Variants in PFKFB3 observed in about 807,000 individuals in gnomAD.
PFKFB3 encodes the protein 6-phosphofructo-2-kinase/fructose-2,6-bisphosphatase 3.
Under a neutral mutation model 68.0 loss-of-function variants are expected in PFKFB3, and 33 were observed. That is an observed-to-expected ratio of 0.49 (90% CI 0.37 to 0.65). PFKFB3 has a LOEUF of 0.65. Among genes scored for constraint, PFKFB3 ranks in the 30% least tolerant of loss-of-function variants. PFKFB3 has a pLI of 0.00. For missense variants in PFKFB3, 586 were observed against 712.2 expected (o/e 0.82, Z 2.02); for synonymous variants, 315 against 288.2 (o/e 1.09, Z -0.94).
intron 1 of PFKFB3, among the ~76,000 whole-genome samples, chr10:6,172,017 G>A (rs3814194): frequency 0.011 from 1,653 of 152,262 alleles, 70 homozygotes; most frequent in East Asian, 0.1. Flanking sequence ...TTTTGCCGCC[G>A]TACTCCATTG....
chr10:6,203,054 C>T lies in PFKFB3; in HGVS notation c.-207C>T. ...GCCGTGCCGGGCATCCCCAGCCTCGCTACCCTCGCAGCACACGTCGAGCCC... is the reference window on the plus strand; with the variant it reads ...GCCGTGCCGGGCATCCCCAGCCTCGTTACCCTCGCAGCACACGTCGAGCCC... On this transcript the variant is annotated 5_prime_UTR_variant, in exon 1 of 15. Coordinates refer to ENST00000379775, the MANE Select transcript of PFKFB3 (RefSeq NM_004566.4). 7.2e-7 allele frequency: 1 copy of T among 1,386,018 alleles called. No individual in the cohort carries two copies. Among genetic ancestry groups the T allele is most frequent in the Non-Finnish European group, 9.3e-7 (1 of 1,075,102 alleles). 85.9% of individuals were successfully genotyped at this position (1,386,018 alleles called of 1,614,324 possible). A position where few individuals can be genotyped will look rare whatever the true frequency, so the allele number is the denominator to read the frequency against.
At chr10:6,291,541 G>A in the PFKFB3 span, among the ~76,000 whole-genome samples, 6 of 146,262 alleles carry the variant, frequency 4.1e-5, no homozygotes, top group Non-Finnish European at 8.9e-5. Context: ...AGTGGAATAA[G>A]TGAGACTCTG....
chr10:6,237,403 G>A (rs1037708697), downstream of PFKFB3, among the ~76,000 whole-genome samples: 13 of 151,924 alleles, frequency 8.6e-5, no homozygotes, highest in African/African-American at 2.9e-4. Flanking sequence ...AGAGTGAGGC[G>A]TTCATTCAGC....
intron 1 of PFKFB3, among the ~76,000 whole-genome samples, chr10:6,190,191 G>A (rs1195150682): frequency 1.3e-5 from 2 of 152,076 alleles, no homozygotes; most frequent in Non-Finnish European, 1.5e-5. Context: ...TGATCCACCC[G>A]CCTTGGCCTC....
At chr10:6,216,538 T>C (rs1348520893) in intron 4 of PFKFB3, among the ~76,000 whole-genome samples, 168 bp from the exon 5 acceptor site, 1 of 152,222 alleles carries the variant, frequency 6.6e-6, no homozygotes, top group Non-Finnish European at 1.5e-5. Context: ...GCGGGAGGCC[T>C]GCCTCCTAAG....
At chr10:6,148,446 G>T (rs1051248116) in intron 1 of PFKFB3, among the ~76,000 whole-genome samples, 1 of 152,218 alleles carries the variant, frequency 6.6e-6, no homozygotes, top group Non-Finnish European at 1.5e-5. Context: ...TATGCTCAGC[G>T]TGAGGCTGGA....
At chr10:6,227,710 G>A (rs373147778) in intron 14 of PFKFB3, among the ~76,000 whole-genome samples, 1 of 152,190 alleles carries the variant, frequency 6.6e-6, no homozygotes, top group East Asian at 1.9e-4. Context: ...CATGAGTGCA[G>A]CAATTTAATT....
chr10:6,144,938 C>A, exon 1 of PFKFB3: 1 of 1,232,264 alleles, frequency 8.1e-7, no homozygotes, highest in Non-Finnish European at 1.0e-6. Context: ...GGGGCTGCCG[C>A]TTGGACGTCG....
chr10:6,198,942 G>T (rs984401630), upstream of PFKFB3, among the ~76,000 whole-genome samples: 73 of 152,316 alleles, frequency 4.8e-4, no homozygotes, highest in African/African-American at 1.6e-3. Context: ...AAACATCTAT[G>T]TGCATGTTAT....
chr10:6,291,945 G>GTTTTTT, the PFKFB3 span, among the ~76,000 whole-genome samples: 2 of 94,348 alleles, frequency 2.1e-5, no homozygotes, highest in Non-Finnish European at 2.1e-5. Flanking sequence ...GAAACCAGTG[G>GTTTTTT]TTTTTTTTTT....
chr10:6,206,776 A>G (rs974596323), intron 1 of PFKFB3, among the ~76,000 whole-genome samples: 2 of 129,768 alleles, frequency 1.5e-5, no homozygotes, highest in African/African-American at 6.2e-5. Flanking sequence ...GCAGCCAGGC[A>G]GAGGGGGTCC....
rs796376670 is a variant in PFKFB3 at position 6,154,877 on chromosome 10, G to A, written c.16+9864G>A. Among the ~76,000 whole-genome samples, 1 of 152,210 alleles carries A rather than the reference G, an allele frequency of 6.6e-6. No individual in the cohort carries two copies. The highest frequency in any genetic ancestry group is 1.5e-5 in the Non-Finnish European group (1 of 68,036). On this transcript the variant is annotated intron_variant, in intron 1 of 14. Coordinates refer to the PFKFB3 transcript ENST00000379789. This position sits in a 1 kb window ranked among gnomAD's most constrained non-coding sequence, Gnocchi z 4.6. ...GGTTGTAGTGAGCTGCGGGGAGCCC[G>A]CACTGCCACAGCAGCTGCACCTCCT...
At chr10:6,226,702 G>A (rs145148732) in intron 14 of PFKFB3, among the ~76,000 whole-genome samples, 8 of 152,274 alleles carry the variant, frequency 5.3e-5, no homozygotes, top group Non-Finnish European at 8.8e-5. Context: ...TCCAAGACCC[G>A]TTCACGTTCG....
At chr10:6,246,166 A>G (rs1846254492) in intron 14 of PFKFB3, among the ~76,000 whole-genome samples, 1 of 152,314 alleles carries the variant, frequency 6.6e-6, no homozygotes, top group Non-Finnish European at 1.5e-5. Context: ...TGAATTTGCC[A>G]TGTGACTTGC....
In PFKFB3 at chr10:6,154,584, A is replaced by C. The variant is rs145358362; in HGVS notation, c.16+9571A>C. ...CGTGACACCATAAAACGTCTCCGCC[A>C]CGGGTGGCTACTATCCTGAGAGCAG... On this transcript the variant is annotated intron_variant, in intron 1 of 14. Transcript: ENST00000379789. The surrounding 1 kb of genome is among the most constrained non-coding windows in gnomAD (Gnocchi z 4.6). Among the ~76,000 whole-genome samples the C allele has an allele frequency of 4.4e-4, 67 of 152,234 alleles. No individual in the cohort carries two copies. The highest frequency in any genetic ancestry group is 1.6e-3 in the African/African-American group (66 of 41,558).
exon 15 of PFKFB3, chr10:6,254,520 TC>T: frequency 2.5e-6 from 1 of 396,894 alleles, no homozygotes; most frequent in East Asian, 3.6e-5. Flanking sequence ...TTATGACACT[TC>T]CACTTTACAA....
rs569796533 is a variant in PFKFB3 at position 6,242,091 on chromosome 10, G to T, written c.1516-12087G>T. Among the ~76,000 whole-genome samples, 303 of 151,988 alleles carry T rather than the reference G, an allele frequency of 2.0e-3. 1 individual carries two copies. The highest frequency in any genetic ancestry group is 3.1e-3 in the Non-Finnish European group (211 of 67,956). ...TAACTGGCCTCAAGTGATTCTTCCC[G>T]CCTCAGCCTCTCAAAGTGCAGGGAT... On this transcript the variant is annotated intron_variant, in intron 14 of 14. Coordinates refer to the PFKFB3 transcript ENST00000640683.
At chr10:6,212,920 C>T (rs575922030) in intron 1 of PFKFB3, among the ~76,000 whole-genome samples, 7 of 152,286 alleles carry the variant, frequency 4.6e-5, no homozygotes, top group African/African-American at 1.7e-4. Flanking sequence ...CCCTGGGCCC[C>T]AGCCCCTGCC....
At chr10:6,262,019 C>CA in the PFKFB3 span, among the ~76,000 whole-genome samples, 816 of 144,634 alleles carry the variant, frequency 5.6e-3, 4 homozygotes, top group Middle Eastern at 0.014. Flanking sequence ...AAACAAAAAA[C>CA]AAAAAAAAAA....
Sources: allele counts gnomAD v4.1 joint callset (sites outside exome capture counted in the v4.1 genomes callset), GRCh38; gene constraint gnomAD v4.1.1; non-coding constraint Gnocchi (gnomAD v3.1); transcripts MANE v1.5; gene names NCBI Gene and HGNC (gene_info 2026-07-23, HGNC 2026-07-21).